Variants in UBR4 observed in about 807,000 individuals in gnomAD.
UBR4 encodes the protein ubiquitin protein ligase E3 component n-recognin 4, also known as E3 ubiquitin-protein ligase UBR4.
Under a neutral mutation model 575.6 loss-of-function variants are expected in UBR4, and 124 were observed. The ratio of observed to expected loss-of-function variants is 0.22; its 90% CI spans 0.19 to 0.25. The LOEUF is 0.25. UBR4 is among the 10% of genes least tolerant of loss of function. UBR4 has a pLI of 1.00. For missense variants in UBR4, 4,818 were observed against 6,478.8 expected, an observed-to-expected ratio of 0.74 and a Z score of 8.80; for synonymous variants, 2,455 against 2,473.7, an observed-to-expected ratio of 0.99 and a Z score of 0.22.
intron 27 of UBR4, among the ~76,000 whole-genome samples, chr1:19,168,512 C>T (rs566354068): frequency 2.0e-5 from 3 of 152,138 alleles, no homozygotes; most frequent in Non-Finnish European, 4.4e-5. Context: ...TTTTGCAATG[C>T]ATCTGGTCTC....
chr1:19,161,796 A>G, intron 36 of UBR4, 31 bp downstream of exon 36: 2 of 1,614,146 alleles, frequency 1.2e-6, no homozygotes, highest in Non-Finnish European at 1.7e-6. Context: ...TGCCCAGCAA[A>G]TCTTCACCTT....
intron 89 of UBR4, 91 bp from the exon 90 acceptor site, chr1:19,099,768 T>TAA: frequency 9.0e-7 from 1 of 1,107,066 alleles, no homozygotes; most frequent in Non-Finnish European, 1.3e-6. Flanking sequence ...CAATGGTTGA[T>TAA]AATTCACAAT....
rs748244597 is a variant in UBR4 at position 19,076,901 on chromosome 1, TTC to T, written c.15325-1_15325del. On this transcript the variant is annotated splice_acceptor_variant and coding_sequence_variant, in exon 105 of 106. Coordinates refer to ENST00000375254, the MANE Select transcript of UBR4 (RefSeq NM_020765.3). LOFTEE classifies it high-confidence loss of function. Reference sequence around the variant, plus strand: ...TCCCTCTGTGTTACTGGTAGGCACCTTCTACGAGAATCAACAGGAGACAAGAG... The same window carrying T: ...TCCCTCTGTGTTACTGGTAGGCACCTTACGAGAATCAACAGGAGACAAGAG... 17 of 1,549,938 alleles carry T rather than the reference TTC, an allele frequency of 1.1e-5. No individual in the cohort carries two copies. Among genetic ancestry groups the T allele is most frequent in the Non-Finnish European group, 1.4e-5 (16 of 1,151,328 alleles).
intron 85 of UBR4, 52 bp downstream of exon 85, chr1:19,104,996 G>A (rs997803913): frequency 6.3e-7 from 1 of 1,586,360 alleles, no homozygotes; most frequent in African/African-American, 1.4e-5. Context: ...TTTACATCAA[G>A]GTACAAGGGG....
intron 77 of UBR4, 72 bp downstream of exon 77, chr1:19,113,627 C>A: frequency 6.3e-7 from 1 of 1,586,360 alleles, no homozygotes. Context: ...GAGAGAGCAG[C>A]AGGACTGCTG....
At position 19,086,684 on chromosome 1, in the gene UBR4, G is replaced by C. The variant is rs142219121; in HGVS notation, c.14682C>G (p.Ala4894=). The C allele has an allele frequency of 4.3e-6, 7 of 1,614,018 alleles. No homozygotes were observed. The highest frequency in any genetic ancestry group is 4.2e-6 in the Non-Finnish European group (5 of 1,179,984). ...NIVHYDCHLA[A]VRLARGREEW... is the part of the protein sequence containing the mutation. ...CCGCAAGAGCCAGGGCCTACCTGAC[G>C]GCAGCCAGATGGCAGTCGTAGTGCA... The change falls in exon 100 of 106, where the codon GCC becomes GCG. Residue 4894 remains alanine (A), a synonymous_variant. Coordinates refer to ENST00000375254, the MANE Select transcript of UBR4 (RefSeq NM_020765.3).
chr1:19,161,894 C>T lies in UBR4; in HGVS notation c.4960G>A (p.Glu1654Lys). ...EEDSQAEDSD[E>K]DSLCNKLCTF... ...CAGAGTTTATTGCAAAGAGAATCTT[C>T]ATCCTTCAAAAATAATAAGTCTTTT... Residue 1654 changes from glutamate to lysine, a missense_variant, in exon 36 of 106, where the codon GAA becomes AAA. This residue lies in a region of UBR4 where 18 missense variants were observed against 37.3 expected (regional missense o/e 0.48). Transcript: ENST00000375254. 1 of 1,614,122 alleles carries T rather than the reference C, an allele frequency of 6.2e-7. No individual in the cohort carries two copies. Among genetic ancestry groups the T allele is most frequent in the Non-Finnish European group, 8.5e-7 (1 of 1,180,010 alleles).
Position 19,187,610 on chromosome 1 carries a change from GA to G in UBR4, c.1395-71del. ...ATAAATTACAACTTCTGAAGCAGTGGATCTTGCCATTTTGGGGTTTCAGACC... is the reference window on the plus strand; with the variant it reads ...ATAAATTACAACTTCTGAAGCAGTGGTCTTGCCATTTTGGGGTTTCAGACC... On this transcript the variant is annotated intron_variant, in intron 11 of 105. Coordinates refer to ENST00000375254, the MANE Select transcript of UBR4 (RefSeq NM_020765.3). The G allele has an allele frequency of 2.0e-6, 3 of 1,511,004 alleles. No homozygotes were observed. In the Admixed American group the frequency reaches 5.5e-5, roughly 28 times the overall value. 93.6% of individuals were successfully genotyped at this position (1,511,004 alleles called of 1,614,324 possible). A position where few individuals can be genotyped will look rare whatever the true frequency, so the allele number is the denominator to read the frequency against.
At chr1:19,106,494 G>T in intron 83 of UBR4, 75 bp downstream of exon 83, 1 of 1,474,580 alleles carries the variant, frequency 6.8e-7, no homozygotes, top group South Asian at 1.5e-5. Flanking sequence ...GACACATGGT[G>T]AGGGGCAGAA....
In UBR4 at chr1:19,117,718, A is replaced by G. The variant is rs2080707190; in HGVS notation, c.10629+105T>C. The G allele has an allele frequency of 8.5e-7, 1 of 1,172,672 alleles. No homozygotes were observed. The highest frequency in any genetic ancestry group is 1.2e-6 in the Non-Finnish European group (1 of 801,900). 72.6% of individuals were successfully genotyped at this position (1,172,672 alleles called of 1,614,324 possible). A position where few individuals can be genotyped will look rare whatever the true frequency, so the allele number is the denominator to read the frequency against. On this transcript the variant is annotated intron_variant, in intron 72 of 105. Transcript: ENST00000375254. This position sits in a 1 kb window ranked among gnomAD's most constrained non-coding sequence, Gnocchi z 4.0. ...ATAAAAATTCCTACTATCGGTGACCAACCATTAGGAGAGGAACATCTATGT... is the reference window on the plus strand; with the variant it reads ...ATAAAAATTCCTACTATCGGTGACCGACCATTAGGAGAGGAACATCTATGT...
At position 19,139,146 on chromosome 1, in the gene UBR4, C is replaced by G; in HGVS notation, c.8668G>C (p.Gly2890Arg). 6.2e-7 allele frequency: 1 copy of G among 1,614,028 alleles called. No individual in the cohort carries two copies. Among genetic ancestry groups the G allele is most frequent in the Non-Finnish European group, 8.5e-7 (1 of 1,179,950 alleles). ...STLRTSPADH[G>R]GSVGSESGGS... is the part of the protein sequence containing the mutation. ...CCGCTCTCCGAGCCCACACTACCAC[C>G]GTGGTCAGCAGGAGAGGTCCGAAGG... Residue 2890 changes from glycine (G) to arginine (R), a missense_variant, in exon 59 of 106, where the codon GGT becomes CGT. Transcript: ENST00000375254. The surrounding 1 kb of genome is among the most constrained non-coding windows in gnomAD (Gnocchi z 4.2).
chr1:19,191,427 C>A (rs1237850959), intron 11 of UBR4, among the ~76,000 whole-genome samples: 1 of 152,140 alleles, frequency 6.6e-6, no homozygotes, highest in African/African-American at 2.4e-5. Context: ...GCCACAATCA[C>A]GCCACTGCAC....
At chr1:19,200,115 C>G (rs1290342868) in intron 2 of UBR4, among the ~76,000 whole-genome samples, 2 of 152,156 alleles carry the variant, frequency 1.3e-5, no homozygotes, top group Non-Finnish European at 2.9e-5. Context: ...AGTCACATAG[C>G]TAGGTTTAAA....
chr1:19,108,103 T>C (rs1200019430), intron 81 of UBR4, among the ~76,000 whole-genome samples: 2 of 152,214 alleles, frequency 1.3e-5, no homozygotes, highest in Non-Finnish European at 2.9e-5. Context: ...CTTTTTCAAC[T>C]AGTTGTGGAT....
intron 84 of UBR4, 97 bp from the exon 85 acceptor site, chr1:19,105,286 G>A: frequency 2.1e-6 from 3 of 1,402,196 alleles, no homozygotes; most frequent in Non-Finnish European, 2.9e-6. Flanking sequence ...CCTATCTTCT[G>A]CTGTCTGTCT....
intron 61 of UBR4, among the ~76,000 whole-genome samples, chr1:19,128,764 C>T (rs987794478): frequency 6.6e-6 from 1 of 152,188 alleles, no homozygotes; most frequent in Non-Finnish European, 1.5e-5. Flanking sequence ...TCAATAACTA[C>T]CTGGATGAAC....
At position 19,139,066 on chromosome 1, in the gene UBR4, C is replaced by T; in HGVS notation, c.8731+17G>A. ...CCCTCTGCCCAAGGAGACAGGACCCCCGCCATGGCACATTACCACTGTGCT... is the reference window on the plus strand; with the variant it reads ...CCCTCTGCCCAAGGAGACAGGACCCTCGCCATGGCACATTACCACTGTGCT... On this transcript the variant is annotated intron_variant, in intron 59 of 105. Coordinates refer to ENST00000375254, the MANE Select transcript of UBR4 (RefSeq NM_020765.3). The surrounding 1 kb of genome is among the most constrained non-coding windows in gnomAD (Gnocchi z 4.2). 6.3e-7 allele frequency: 1 copy of T among 1,599,564 alleles called. No homozygotes were observed. Among genetic ancestry groups the T allele is most frequent in the Non-Finnish European group, 8.5e-7 (1 of 1,170,908 alleles).
intron 99 of UBR4, among the ~76,000 whole-genome samples, chr1:19,087,238 G>A (rs2077107158): frequency 6.6e-6 from 1 of 152,238 alleles, no homozygotes. Flanking sequence ...CCAGGCACCT[G>A]CCCTTTCACA....
In UBR4 at chr1:19,164,860, C is replaced by T. The variant is rs1454336040; in HGVS notation, c.4450G>A (p.Val1484Ile). ...AGCAGCTGCCGGTTCTCCTGAATTACATCCAGCTGATCAGAATCTTTTGGG... is the reference window on the plus strand; with the variant it reads ...AGCAGCTGCCGGTTCTCCTGAATTATATCCAGCTGATCAGAATCTTTTGGG... ...SPPKDSDQLD[V>I]IQENRQLLQL... Residue 1484 changes from valine (V) to isoleucine (I), a missense_variant, in exon 32 of 106, where the codon GTA becomes ATA. Transcript: ENST00000375254. The T allele has an allele frequency of 6.2e-7, 1 of 1,614,102 alleles. No individual in the cohort carries two copies. Among genetic ancestry groups the T allele is most frequent in the African/African-American group, 1.3e-5 (1 of 74,934 alleles).
Sources: allele counts gnomAD v4.1 joint callset (sites outside exome capture counted in the v4.1 genomes callset), GRCh38; gene constraint gnomAD v4.1.1; regional missense constraint gnomAD v4.1.1; non-coding constraint Gnocchi (gnomAD v3.1); transcripts MANE v1.5; gene names NCBI Gene and HGNC (gene_info 2026-07-23, HGNC 2026-07-21).